TUT4: variants seen among roughly 807,000 people sequenced by gnomAD.
TUT4 encodes terminal uridylyl transferase 4, also known as terminal uridylyltransferase 4.
A neutral mutation model predicts 192.2 loss-of-function variants in TUT4; 36 were observed. That is an observed-to-expected ratio of 0.19 (90% CI 0.14 to 0.25). TUT4 has a LOEUF of 0.25. Ranked by LOEUF, TUT4 falls within the 10% of genes least tolerant of loss-of-function variation. TUT4 has a pLI of 1.00. For missense variants in TUT4, 1,493 were observed against 1,957.2 expected, an observed-to-expected ratio of 0.76 and a Z score of 4.47; for synonymous variants, 618 against 666.0, an observed-to-expected ratio of 0.93 and a Z score of 1.11.
intron 25 of TUT4, 137 bp from the exon 26 acceptor site, chr1:52,437,115 T>C (rs1654029649): frequency 2.5e-6 from 3 of 1,212,352 alleles, no homozygotes; most frequent in Non-Finnish European, 3.3e-6. Flanking sequence ...GGAACAAACA[T>C]TTATGGCACA....
intron 16 of TUT4, chr1:52,462,067 T>G (rs1662712817): frequency 4.2e-6 from 1 of 236,962 alleles, no homozygotes; most frequent in Admixed American, 5.1e-5. Flanking sequence ...AGGAGAAGAA[T>G]ATGGTTTTCA....
At chr1:52,435,961 G>A (rs1653647504) in intron 26 of TUT4, among the ~76,000 whole-genome samples, 1 of 151,716 alleles carries the variant, frequency 6.6e-6, no homozygotes, top group South Asian at 2.1e-4. Flanking sequence ...TCTGCAGTAA[G>A]AATCTGAGTA....
intron 26 of TUT4, among the ~76,000 whole-genome samples, chr1:52,435,762 T>TG (rs1179103300): frequency 1.3e-5 from 2 of 152,202 alleles, no homozygotes; most frequent in Non-Finnish European, 2.9e-5. Context: ...AAATACTTTC[T>TG]GGTTGGGTGC....
Position 52,424,173 on chromosome 1 carries a change from A to G in TUT4, c.4871-171T>C, listed in dbSNP as rs1022485142. 9.5e-6 allele frequency: 6 copies of G among 634,796 alleles called. No homozygotes were observed. The African/African-American group carries it at 1.1e-4, about 12-fold the overall frequency. 39.3% of individuals were successfully genotyped at this position (634,796 alleles called of 1,614,324 possible). A position where few individuals can be genotyped will look rare whatever the true frequency, so the allele number is the denominator to read the frequency against. ...GGGGAGAAAAATGAAGAAGGGAAGG[A>G]AATACCTGTATGTGAAAAAAGGAGA... On this transcript the variant is annotated intron_variant, in intron 29 of 29. Transcript: ENST00000257177.
At chr1:52,441,956 T>C (rs1230275133) in intron 24 of TUT4, among the ~76,000 whole-genome samples, 1 of 151,804 alleles carries the variant, frequency 6.6e-6, no homozygotes, top group Non-Finnish European at 1.5e-5. Context: ...TCATTTGAGG[T>C]CAGGAGTTTG....
chr1:52,522,408 C>T (rs1680525123), intron 2 of TUT4, among the ~76,000 whole-genome samples: 1 of 152,214 alleles, frequency 6.6e-6, no homozygotes, highest in South Asian at 2.1e-4. Context: ...TCCGGTACTA[C>T]ATGAAACCCT....
intron 14 of TUT4, 50 bp downstream of exon 14, chr1:52,471,902 A>G (rs1665880268): frequency 6.6e-7 from 1 of 1,518,262 alleles, no homozygotes; most frequent in Non-Finnish European, 8.9e-7. Flanking sequence ...TTAATATTTA[A>G]TATCTAAGAA....
chr1:52,521,569 G>A (rs1168552723), intron 2 of TUT4, among the ~76,000 whole-genome samples: 1 of 152,094 alleles, frequency 6.6e-6, no homozygotes, highest in Non-Finnish European at 1.5e-5. Context: ...GGAGGCTGAA[G>A]GACAAGAATC....
Position 52,481,824 on chromosome 1 carries a change from G to A in TUT4, c.1615C>T (p.Pro539Ser). Residue 539 changes from proline to serine, a missense_variant, in exon 10 of 30, where the codon CCT becomes TCT. This residue lies in a region of TUT4 where 437 missense variants were observed against 577.6 expected (regional missense o/e 0.76). Coordinates refer to ENST00000257177, the MANE Select transcript of TUT4 (RefSeq NM_001009881.3). ...CTTACCCAACTTCCAAGTAAGCAAG[G>A]AAGAAGAGGGGGTTTTCTCTGTTGT... ...FLQQRKPPLL[P>S]CLLGSWIEGF... is the part of the protein sequence containing the mutation. The A allele has an allele frequency of 6.3e-7, 1 of 1,592,788 alleles. No individual in the cohort carries two copies. The highest frequency in any genetic ancestry group is 8.5e-7 in the Non-Finnish European group (1 of 1,174,448).
intron 18 of TUT4, 118 bp from the exon 19 acceptor site, chr1:52,461,341 C>A: frequency 8.9e-7 from 1 of 1,127,242 alleles, no homozygotes; most frequent in Admixed American, 2.7e-5. Context: ...ATGTAAAACA[C>A]CTATTAATGA....
At chr1:52,438,684 C>G (rs938023746) in intron 24 of TUT4, among the ~76,000 whole-genome samples, 3 of 152,206 alleles carry the variant, frequency 2.0e-5, no homozygotes, top group Non-Finnish European at 2.9e-5. Flanking sequence ...TTAAGTCTCA[C>G]ATAAAAGATG....
chr1:52,517,123 T>C (rs1351810625), intron 2 of TUT4, among the ~76,000 whole-genome samples: 1 of 152,230 alleles, frequency 6.6e-6, no homozygotes, highest in Non-Finnish European at 1.5e-5. Flanking sequence ...AAATTCAGCT[T>C]AAGCACCACT....
chr1:52,467,084 G>T (rs556592900), intron 15 of TUT4, among the ~76,000 whole-genome samples: 262 of 152,252 alleles, frequency 1.7e-3, no homozygotes, highest in African/African-American at 6.0e-3. Context: ...GTTTGAGGCT[G>T]CAGTGAGCTA....
chr1:52,469,101 C>A (rs1391090590), intron 14 of TUT4, among the ~76,000 whole-genome samples: 1 of 152,106 alleles, frequency 6.6e-6, no homozygotes, highest in African/African-American at 2.4e-5. Flanking sequence ...CTGTATGACA[C>A]TCTAATGGTG....
intron 20 of TUT4, among the ~76,000 whole-genome samples, chr1:52,455,057 G>A (rs1660472890): frequency 6.6e-6 from 1 of 152,188 alleles, no homozygotes; most frequent in African/African-American, 2.4e-5. Context: ...GGCCAAGGCA[G>A]GCAAATTACT....
At chr1:52,457,389 C>T (rs539701811) in intron 20 of TUT4, among the ~76,000 whole-genome samples, 1 of 152,166 alleles carries the variant, frequency 6.6e-6, no homozygotes, top group East Asian at 1.9e-4. Context: ...GCACGCACCA[C>T]CACGCCCGGC....
intron 11 of TUT4, among the ~76,000 whole-genome samples, chr1:52,478,437 A>G (rs555939817): frequency 1.3e-5 from 2 of 152,242 alleles, no homozygotes; most frequent in Non-Finnish European, 2.9e-5. Flanking sequence ...AAAATAAAGA[A>G]AGCTCACACT....
At chr1:52,449,812 C>T (rs2148513176) in intron 20 of TUT4, among the ~76,000 whole-genome samples, 1 of 152,248 alleles carries the variant, frequency 6.6e-6, no homozygotes, top group South Asian at 2.1e-4. Flanking sequence ...TGGCAACCAC[C>T]ACTCTACTTT....
At chr1:52,439,441 T>C (rs1192412108) in intron 24 of TUT4, among the ~76,000 whole-genome samples, 1 of 152,236 alleles carries the variant, frequency 6.6e-6, no homozygotes, top group Non-Finnish European at 1.5e-5. Flanking sequence ...TCTTTGCACC[T>C]TGCTTATCCT....
Sources: gnomAD v4.1 joint callset for allele counts (sites outside exome capture counted in the v4.1 genomes callset) on GRCh38, gnomAD v4.1.1 for gene constraint, gnomAD v4.1.1 regional missense constraint, MANE v1.5 for transcripts, NCBI Gene and HGNC (gene_info 2026-07-23, HGNC 2026-07-21) for gene names.